Variants in ALDH1A1 observed in about 807,000 individuals in gnomAD.
ALDH1A1 encodes the protein aldehyde dehydrogenase 1A1.
A neutral mutation model predicts 62.1 loss-of-function variants in ALDH1A1; 19 were observed. The ratio of observed to expected loss-of-function variants is 0.31; its 90% confidence interval spans 0.21 to 0.45. The LOEUF is 0.45. Ranked by LOEUF, ALDH1A1 falls within the 20% of genes least tolerant of loss-of-function variation. The probability of loss-of-function intolerance (pLI) is 1.00; values close to 1 mark genes in which losing one functional copy is unlikely to be tolerated. For missense variants in ALDH1A1, 521 were observed against 607.1 expected (o/e 0.86, Z 1.49); for synonymous variants, 231 against 215.9 (o/e 1.07, Z -0.61).
intron 3 of ALDH1A1, among the ~76,000 whole-genome samples, chr9:72,930,285 T>C (rs1195281533): frequency 6.6e-6 from 1 of 152,174 alleles, no homozygotes; most frequent in African/African-American, 2.4e-5. Flanking sequence ...AAAAACATGA[T>C]TTTGATAAAC....
At chr9:72,930,542 T>C (rs1830268058) in intron 3 of ALDH1A1, among the ~76,000 whole-genome samples, 1 of 152,142 alleles carries the variant, frequency 6.6e-6, no homozygotes, top group African/African-American at 2.4e-5. Flanking sequence ...AAACCTAATA[T>C]ATCATTCTAG....
intron 2 of ALDH1A1, among the ~76,000 whole-genome samples, chr9:72,939,810 G>A (rs1043413789): frequency 6.6e-6 from 1 of 151,980 alleles, no homozygotes; most frequent in African/African-American, 2.4e-5. Flanking sequence ...GAGCCACAGC[G>A]CCCAGCTGAA....
At chr9:72,950,134 T>C (rs946902293) in intron 1 of ALDH1A1, among the ~76,000 whole-genome samples, 4 of 151,872 alleles carry the variant, frequency 2.6e-5, no homozygotes, top group Non-Finnish European at 4.4e-5. Flanking sequence ...AGGACTAGGA[T>C]CACTAACGTT....
chr9:72,937,511 C>A lies in ALDH1A1; in HGVS notation c.171+2637G>T, dbSNP rs977260819. 5.3e-5 allele frequency among the ~76,000 whole-genome samples: 8 copies of A among 152,284 alleles called. No individual in the cohort carries two copies. The East Asian group carries it at 1.5e-3, about 29-fold the overall frequency. On this transcript the variant is annotated intron_variant, in intron 2 of 12. Transcript: ENST00000297785. ...AGCTCTATATATTTAACTCCTCAAG[C>A]ATTTTCTATCTCCTCATTTTACATG...
At chr9:72,935,901 G>A (rs1055522236) in intron 2 of ALDH1A1, among the ~76,000 whole-genome samples, 4 of 152,066 alleles carry the variant, frequency 2.6e-5, no homozygotes, top group African/African-American at 7.2e-5. Context: ...AAGCAATGTC[G>A]GAGTTTACTA....
intron 12 of ALDH1A1, among the ~76,000 whole-genome samples, chr9:72,905,030 C>A (rs8187986): frequency 3.5e-4 from 54 of 152,172 alleles, no homozygotes; most frequent in South Asian, 6.2e-4. Flanking sequence ...TATTTGTTTC[C>A]TTGTAATTTT....
At chr9:72,932,496 T>C (rs1830294913) in intron 2 of ALDH1A1, among the ~76,000 whole-genome samples, 1 of 152,190 alleles carries the variant, frequency 6.6e-6, no homozygotes, top group South Asian at 2.1e-4. Context: ...CACAATCTGG[T>C]CTGATTAAGT....
intron 11 of ALDH1A1, among the ~76,000 whole-genome samples, chr9:72,908,593 AAG>A (rs1450878993): frequency 2.0e-5 from 3 of 147,232 alleles, no homozygotes; most frequent in African/African-American, 2.5e-5. Flanking sequence ...GAAAGAAAGA[AAG>A]AAAGAAAGAA....
intron 11 of ALDH1A1, among the ~76,000 whole-genome samples, chr9:72,908,575 GA>G (rs750075069): frequency 4.6e-4 from 52 of 112,124 alleles, no homozygotes; most frequent in African/African-American, 1.7e-3. Flanking sequence ...AAGAAAGAAA[GA>G]AAGAAAGAAA....
At chr9:72,941,634 T>A (rs562626186) in intron 1 of ALDH1A1, among the ~76,000 whole-genome samples, 155 of 152,252 alleles carry the variant, frequency 1.0e-3, no homozygotes, top group African/African-American at 3.6e-3. Context: ...AATTCTTGAA[T>A]AACTAACTTA....
intron 1 of ALDH1A1, among the ~76,000 whole-genome samples, chr9:72,944,107 A>C (rs1178415374): frequency 1.3e-5 from 2 of 152,090 alleles, no homozygotes; most frequent in African/African-American, 4.8e-5. Flanking sequence ...ATCCCCAGAG[A>C]AAGAAGTTTA....
At chr9:72,952,702 G>T (rs1200228879) in intron 1 of ALDH1A1, among the ~76,000 whole-genome samples, 2 of 151,900 alleles carry the variant, frequency 1.3e-5, no homozygotes, top group Non-Finnish European at 2.9e-5. Flanking sequence ...ACACAGAAGA[G>T]AATTCCTTTC....
chr9:72,901,291 GA>G lies in ALDH1A1; in HGVS notation c.1434-12del. On this transcript the variant is annotated splice_polypyrimidine_tract_variant and intron_variant, in intron 12 of 12. Transcript: ENST00000297785. ...AAACCGTACTCTCCCCTAGAGAGAA[GA>G]AAAACATACCCACAAACACCATTTA... 1 of 1,588,210 alleles carries G rather than the reference GA, an allele frequency of 6.3e-7. No individual in the cohort carries two copies. The highest frequency in any genetic ancestry group is 8.6e-7 in the Non-Finnish European group (1 of 1,160,746).
At chr9:72,918,952 T>C (rs1233366998) in intron 7 of ALDH1A1, 130 bp from the exon 8 acceptor site, 12 of 621,288 alleles carry the variant, frequency 1.9e-5, no homozygotes, top group Non-Finnish European at 3.0e-5. Flanking sequence ...AAATGGCTTT[T>C]TTTTTTGAGA....
At chr9:72,949,046 G>A (rs899450286) in intron 1 of ALDH1A1, among the ~76,000 whole-genome samples, 6 of 151,750 alleles carry the variant, frequency 4.0e-5, no homozygotes, top group Non-Finnish European at 8.8e-5. Flanking sequence ...ACCCAGAAGG[G>A]TTAAACAAAA....
At chr9:72,938,683 G>A (rs1044952328) in intron 2 of ALDH1A1, among the ~76,000 whole-genome samples, 1 of 151,638 alleles carries the variant, frequency 6.6e-6, no homozygotes, top group Non-Finnish European at 1.5e-5. Flanking sequence ...TTGACCTTGT[G>A]ATCTGCCCGC....
intron 7 of ALDH1A1, among the ~76,000 whole-genome samples, chr9:72,921,522 A>AT (rs59019273): frequency 0.022 from 1,568 of 70,726 alleles, 20 homozygotes; most frequent in African/African-American, 0.073. Flanking sequence ...TTTTTTTTTC[A>AT]TTTTTTTTTT....
At chr9:72,933,697 C>T (rs932343416) in intron 2 of ALDH1A1, among the ~76,000 whole-genome samples, 4 of 150,974 alleles carry the variant, frequency 2.6e-5, no homozygotes, top group African/African-American at 9.7e-5. Context: ...AACATTTAAA[C>T]ATTTTCTATG....
chr9:72,906,618 T>C (rs575018408), intron 11 of ALDH1A1, among the ~76,000 whole-genome samples: 6 of 152,270 alleles, frequency 3.9e-5, no homozygotes, highest in African/African-American at 1.4e-4. Context: ...TAAACAAACA[T>C]AATTACATGA....
Sources: allele counts gnomAD v4.1 joint callset (sites outside exome capture counted in the v4.1 genomes callset), GRCh38; gene constraint gnomAD v4.1.1; transcripts MANE v1.5; gene names NCBI Gene and HGNC (gene_info 2026-07-23, HGNC 2026-07-21).